Variants in USP6NL observed in about 807,000 individuals in gnomAD.
USP6NL encodes the protein USP6 N-terminal like, also known as USP6 N-terminal-like protein.
A neutral mutation model predicts 61.9 loss-of-function variants in USP6NL; 26 were observed. The ratio of observed to expected loss-of-function variants is 0.42; its 90% confidence interval spans 0.31 to 0.58. The LOEUF is 0.58. USP6NL is among the 20% of genes least tolerant of loss of function. The probability of loss-of-function intolerance (pLI) is 0.16; values close to 1 mark genes in which losing one functional copy is unlikely to be tolerated. For synonymous variants in USP6NL, 432 were observed against 390.1 expected (o/e 1.11, Z -1.27); for missense variants, 1,114 against 1,034.3 (o/e 1.08, Z -1.06).
intron 2 of USP6NL, among the ~76,000 whole-genome samples, chr10:11,543,210 A>G (rs371674553): frequency 7.9e-5 from 12 of 152,282 alleles, no homozygotes; most frequent in African/African-American, 2.9e-4. Context: ...ACCAAATCTA[A>G]TCACATCCAA....
At chr10:11,529,279 A>G (rs1292990578) in intron 2 of USP6NL, among the ~76,000 whole-genome samples, 1 of 152,250 alleles carries the variant, frequency 6.6e-6, no homozygotes, top group Non-Finnish European at 1.5e-5. Context: ...ATAATACTCA[A>G]TGTTGACAAC....
At chr10:11,523,220 A>C (rs1378787825) in intron 4 of USP6NL, among the ~76,000 whole-genome samples, 1 of 152,218 alleles carries the variant, frequency 6.6e-6, no homozygotes, top group Non-Finnish European at 1.5e-5. Context: ...GGTCAGAATC[A>C]CTTATTTCAT....
At position 11,532,429 on chromosome 10, in the gene USP6NL, G is replaced by GA. The variant is rs1397589032; in HGVS notation, c.5-4863dup. Among the ~76,000 whole-genome samples, 6 of 152,104 alleles carry GA rather than the reference G, an allele frequency of 3.9e-5. No homozygotes were observed. Among genetic ancestry groups the GA allele is most frequent in the African/African-American group, 1.4e-4 (6 of 41,430 alleles). ...ATGCACTCTGTCTTCTTCTAAGGGA[G>GA]AAAAAAACCTTGCTGTGGTTACACA... On this transcript the variant is annotated intron_variant, in intron 2 of 14. Coordinates refer to ENST00000609104, the MANE Select transcript of USP6NL (RefSeq NM_014688.5). The surrounding 1 kb of genome is among the most constrained non-coding windows in gnomAD (Gnocchi z 4.1).
chr10:11,462,988 G>A lies in USP6NL; in HGVS notation c.1940C>T (p.Pro647Leu), dbSNP rs752181929. 1 of 1,613,978 alleles carries A rather than the reference G, an allele frequency of 6.2e-7. No homozygotes were observed. The highest frequency in any genetic ancestry group is 2.2e-5 in the East Asian group (1 of 44,884). Reference protein sequence around the residue: ...VYHGNSPKHFPTANSSFASPQ... With the variant: ...VYHGNSPKHFLTANSSFASPQ... ...AGAAGCAAAGCTGCTGTTGGCAGTA[G>A]GGAAGTGTTTGGGAGAGTTTCCGTG... The change falls in exon 15 of 15, where the codon CCT becomes CTT. Residue 647 changes from proline to leucine, a missense_variant. Physicochemically the swap from Pro to Leu is moderately conservative, Grantham distance 98. Coordinates refer to ENST00000609104, the MANE Select transcript of USP6NL (RefSeq NM_014688.5).
intron 2 of USP6NL, chr10:11,573,915 A>C: frequency 2.8e-6 from 1 of 362,826 alleles, no homozygotes; most frequent in Non-Finnish European, 4.9e-6. Context: ...CACGTGTGAA[A>C]GCCCCATCCT....
rs1011814771 is a variant in USP6NL at position 11,463,529 on chromosome 10, C to A, written c.1399G>T (p.Ala467Ser). Residue 467 changes from alanine (A) to serine (S), a missense_variant, in exon 15 of 15, where the codon GCA (alanine) becomes TCA (serine). Coordinates refer to ENST00000609104, the MANE Select transcript of USP6NL (RefSeq NM_014688.5). This position sits in a 1 kb window ranked among gnomAD's most constrained non-coding sequence, Gnocchi z 6.3. ...PQDSSRQYNH[A>S]AANQNSNATS... ...GCGTTGCTATTTTGGTTGGCAGCTG[C>A]GTGATTATATTGCCTGGAACTGTCC... The A allele has an allele frequency of 1.2e-5, 20 of 1,613,992 alleles. No individual in the cohort carries two copies. The highest frequency in any genetic ancestry group is 1.7e-5 in the Non-Finnish European group (20 of 1,179,900).
intron 2 of USP6NL, among the ~76,000 whole-genome samples, chr10:11,569,965 T>C (rs766723744): frequency 1.3e-5 from 2 of 152,174 alleles, no homozygotes; most frequent in African/African-American, 2.4e-5. Flanking sequence ...ACTTAACAAT[T>C]TGCAGCTTTC....
At chr10:11,583,327 A>G (rs1384270773) in intron 2 of USP6NL, among the ~76,000 whole-genome samples, 1 of 151,726 alleles carries the variant, frequency 6.6e-6, no homozygotes, top group African/African-American at 2.4e-5. Context: ...AGCTGGGACT[A>G]CAAGAGCCCG....
chr10:11,588,263 G>C (rs1838043017), intron 2 of USP6NL, among the ~76,000 whole-genome samples: 1 of 152,220 alleles, frequency 6.6e-6, no homozygotes, highest in South Asian at 2.1e-4. Context: ...TCCTGTACTG[G>C]AGGAGCAAAA....
intron 10 of USP6NL, among the ~76,000 whole-genome samples, chr10:11,488,299 C>A (rs1040849336): frequency 7.9e-5 from 12 of 151,996 alleles, no homozygotes; most frequent in Non-Finnish European, 1.5e-4. Context: ...TGTGTGGTTC[C>A]GGATACTAGA....
intron 2 of USP6NL, among the ~76,000 whole-genome samples, chr10:11,543,103 C>A (rs1836132481): frequency 6.6e-6 from 1 of 152,124 alleles, no homozygotes; most frequent in Admixed American, 6.5e-5. Flanking sequence ...GGTATTCAAT[C>A]ATTATTACCT....
intron 3 of USP6NL, among the ~76,000 whole-genome samples, chr10:11,526,520 C>T (rs1362364057): frequency 6.6e-6 from 1 of 152,202 alleles, no homozygotes; most frequent in East Asian, 1.9e-4. Flanking sequence ...CTGAGTTTTT[C>T]ATGGACTACA....
intron 2 of USP6NL, among the ~76,000 whole-genome samples, chr10:11,543,803 G>GA (rs1836161546): frequency 1.3e-5 from 1 of 76,362 alleles, no homozygotes; most frequent in African/African-American, 4.5e-5. Context: ...AAATATTTAG[G>GA]TTTTTTTTTT....
At position 11,527,549 on chromosome 10, in the gene USP6NL, G is replaced by A. The variant is rs1189466686; in HGVS notation, c.23C>T (p.Ala8Val). Residue 8 changes from alanine (A) to valine (V), a missense_variant, in exon 3 of 15, where the codon GCA becomes GTA. Transcript: ENST00000609104. MNSDQDV[A>V]LKLAQERAEI... ...AGCTCGCTCCTGGGCAAGTTTGAGTGCTACATCCTGGTCTGAATCTGTGGA... is the reference window on the plus strand; with the variant it reads ...AGCTCGCTCCTGGGCAAGTTTGAGTACTACATCCTGGTCTGAATCTGTGGA... The A allele has an allele frequency of 6.2e-7, 1 of 1,609,434 alleles. No homozygotes were observed. The highest frequency in any genetic ancestry group is 8.5e-7 in the Non-Finnish European group (1 of 1,177,742).
rs1049680514 is a variant in USP6NL at position 11,470,581 on chromosome 10, A to G, written c.1079-6732T>C. Among the ~76,000 whole-genome samples, 6 of 152,086 alleles carry G rather than the reference A, an allele frequency of 3.9e-5. No homozygotes were observed. The highest frequency in any genetic ancestry group is 1.4e-4 in the African/African-American group (6 of 41,416). On this transcript the variant is annotated intron_variant, in intron 14 of 14. Coordinates refer to ENST00000609104, the MANE Select transcript of USP6NL (RefSeq NM_014688.5). The surrounding 1 kb of genome is among the most constrained non-coding windows in gnomAD (Gnocchi z 5.4). The stretch of plus-strand genomic sequence containing the variant: ...AGTAGGTCCAAATAAAGCATTCAAC[A>G]TTTTGGTGTGATCTATTTTCAGAGC...
chr10:11,551,537 T>G (rs1176461742), intron 2 of USP6NL, among the ~76,000 whole-genome samples: 2 of 152,230 alleles, frequency 1.3e-5, no homozygotes, highest in Non-Finnish European at 2.9e-5. Context: ...ACAAGAATTA[T>G]CTAGTTTAAT....
chr10:11,523,901 T>C lies in USP6NL; in HGVS notation c.155+1485A>G, dbSNP rs75471991. ...AATCTAGGAAAGACATGGAAATCTA[T>C]TTAAACAGTTTCCCAGCTGATTCTA... is the stretch of plus-strand genomic sequence containing the variant. On this transcript the variant is annotated intron_variant, in intron 4 of 14. Coordinates refer to ENST00000609104, the MANE Select transcript of USP6NL (RefSeq NM_014688.5). 4.8e-3 allele frequency among the ~76,000 whole-genome samples: 730 copies of C among 152,320 alleles called. 5 individuals are homozygous for C. The highest frequency in any genetic ancestry group is 0.017 in the African/African-American group (700 of 41,562).
chr10:11,499,162 T>C lies in USP6NL; in HGVS notation c.384+1939A>G, dbSNP rs1486758653. On this transcript the variant is annotated intron_variant, in intron 7 of 14. Coordinates refer to ENST00000609104, the MANE Select transcript of USP6NL (RefSeq NM_014688.5). The surrounding 1 kb of genome is among the most constrained non-coding windows in gnomAD (Gnocchi z 4.5). ...TTAGTCCTACTGAAGTTCCAGTTCG[T>C]GGAGGATGTGTGGAGAGAGAGAGAA... Among the ~76,000 whole-genome samples the C allele has an allele frequency of 1.3e-5, 2 of 151,966 alleles. No individual in the cohort carries two copies. Among genetic ancestry groups the C allele is most frequent in the African/African-American group, 2.4e-5 (1 of 41,362 alleles).
At chr10:11,521,812 G>A (rs1284125427) in intron 4 of USP6NL, among the ~76,000 whole-genome samples, 1 of 152,184 alleles carries the variant, frequency 6.6e-6, no homozygotes. Context: ...AAAATCTGAA[G>A]CTTGGTATTA....
Sources: allele counts gnomAD v4.1 joint callset (sites outside exome capture counted in the v4.1 genomes callset), GRCh38; gene constraint gnomAD v4.1.1; non-coding constraint Gnocchi (gnomAD v3.1); transcripts MANE v1.5; gene names NCBI Gene and HGNC (gene_info 2026-07-23, HGNC 2026-07-21).